Variants in ANKRD31 observed in about 807,000 individuals in gnomAD.
ANKRD31 encodes ankyrin repeat domain 31.
ANKRD31 carries 147 observed loss-of-function variants against 186.0 expected under a neutral mutation model. The ratio of observed to expected loss-of-function variants is 0.79; its 90% CI spans 0.69 to 0.91. The LOEUF (loss-of-function observed/expected upper bound fraction) is 0.91, where lower values mean the gene tolerates loss of function less well. ANKRD31 is among the 40% of genes least tolerant of loss of function. The pLI is 0.00. For missense variants in ANKRD31, 1,986 were observed against 2,148.8 expected, an observed-to-expected ratio of 0.92 and a Z score of 1.50; for synonymous variants, 673 against 736.4, an observed-to-expected ratio of 0.91 and a Z score of 1.39.
At chr5:75,233,929 A>T (rs558158026) in intron 1 of ANKRD31, among the ~76,000 whole-genome samples, 2 of 152,316 alleles carry the variant, frequency 1.3e-5, no homozygotes, top group Non-Finnish European at 2.9e-5. Flanking sequence ...AAAAAAAAAT[A>T]GTCCAGATTC....
Position 75,144,949 on chromosome 5 carries a change from C to T in ANKRD31, c.3425-778G>A, listed in dbSNP as rs185467982. Among the ~76,000 whole-genome samples, 363 of 151,206 alleles carry T rather than the reference C, an allele frequency of 2.4e-3. 4 individuals are homozygous for T. Among genetic ancestry groups the T allele is most frequent in the Non-Finnish European group, 4.2e-3 (285 of 67,754 alleles). On this transcript the variant is annotated intron_variant, in intron 14 of 25. Transcript: ENST00000506364. ...GCAAATGATATGAACAGACACTTCT[C>T]AAAAGAAGACATTTATGTGGCCAAA...
rs115239216 is a variant in ANKRD31 at position 75,157,826 on chromosome 5, G to A, written c.1708-3481C>T. ...ACACTGCATCTTAGACTGAAAGAGA[G>A]AGAATGAAATGAAGAACTGCCAAGA... On this transcript the variant is annotated intron_variant, in intron 11 of 25. Coordinates refer to ENST00000506364, the MANE Select transcript of ANKRD31 (RefSeq NM_001372053.1). Among the ~76,000 whole-genome samples the A allele has an allele frequency of 8.0e-3, 1,224 of 152,312 alleles. 27 individuals are homozygous for A. Among genetic ancestry groups the A allele is most frequent in the African/African-American group, 0.027 (1,132 of 41,564 alleles).
intron 11 of ANKRD31, among the ~76,000 whole-genome samples, chr5:75,160,910 C>T (rs1411392194): frequency 1.3e-5 from 2 of 152,132 alleles, no homozygotes; most frequent in Non-Finnish European, 2.9e-5. Flanking sequence ...AAGTGCTTTT[C>T]CCCTTATGCC....
chr5:75,089,637 G>T (rs1477972139), intron 23 of ANKRD31, among the ~76,000 whole-genome samples: 1 of 151,956 alleles, frequency 6.6e-6, no homozygotes, highest in African/African-American at 2.4e-5. Flanking sequence ...CTCAGCTTGG[G>T]GTATTTACTA....
At chr5:75,228,242 T>C (rs765300323) in intron 2 of ANKRD31, among the ~76,000 whole-genome samples, 3 of 152,246 alleles carry the variant, frequency 2.0e-5, no homozygotes, top group Non-Finnish European at 2.9e-5. Flanking sequence ...CTTACCTTTA[T>C]AATTCAGTAA....
At chr5:75,230,514 C>A in intron 2 of ANKRD31, 48 bp downstream of exon 2, 1 of 1,409,178 alleles carries the variant, frequency 7.1e-7, no homozygotes, top group South Asian at 1.3e-5. Flanking sequence ...TAAATGGGGA[C>A]TAACTGGGAA....
intron 22 of ANKRD31, 88 bp from the exon 23 acceptor site, chr5:75,091,489 C>T (rs1580305193): frequency 1.7e-6 from 2 of 1,205,118 alleles, no homozygotes; most frequent in Non-Finnish European, 2.3e-6. Flanking sequence ...GTAACAGGGA[C>T]CACATATACC....
intron 2 of ANKRD31, chr5:75,225,714 C>A (rs1377876876): frequency 6.2e-6 from 1 of 160,568 alleles, no homozygotes; most frequent in Non-Finnish European, 1.4e-5. Flanking sequence ...ATGTCAGACC[C>A]AGCACATTGA....
intron 2 of ANKRD31, among the ~76,000 whole-genome samples, chr5:75,229,720 T>C (rs1238974630): frequency 1.3e-5 from 2 of 151,112 alleles, no homozygotes; most frequent in African/African-American, 2.4e-5. Context: ...CAAAATTCAG[T>C]TGGGTGTAGT....
At chr5:75,180,343 A>G (rs1448095473) in intron 10 of ANKRD31, among the ~76,000 whole-genome samples, 3 of 152,168 alleles carry the variant, frequency 2.0e-5, no homozygotes, top group Non-Finnish European at 2.9e-5. Flanking sequence ...CATCCCCATC[A>G]AGCTACCAAT....
Position 75,236,800 on chromosome 5 carries a change from A to C in ANKRD31, c.-114T>G. 263 of 820,046 alleles carry C rather than the reference A, an allele frequency of 3.2e-4. No homozygotes were observed. The highest frequency in any genetic ancestry group is 7.0e-4 in the East Asian group (22 of 31,588). The allele number at this position is 820,046 out of a possible 1,614,324, so 50.8% of individuals were successfully genotyped here. On this transcript the variant is annotated 5_prime_UTR_variant, in exon 1 of 26. Coordinates refer to ENST00000506364, the MANE Select transcript of ANKRD31 (RefSeq NM_001372053.1). The stretch of plus-strand genomic sequence containing the variant: ...GTGAATTAAAAATAAAAATAATATA[A>C]TCGCAGCAGGAGCCGGGACTTGTCG...
intron 25 of ANKRD31, among the ~76,000 whole-genome samples, chr5:75,069,190 T>A (rs1465132802): frequency 1.3e-5 from 2 of 152,134 alleles, no homozygotes; most frequent in African/African-American, 4.8e-5. Flanking sequence ...GGAGTGATGA[T>A]AAAGAGGGTT....
chr5:75,150,456 T>G (rs191062799), intron 12 of ANKRD31, among the ~76,000 whole-genome samples: 75 of 152,112 alleles, frequency 4.9e-4, no homozygotes, highest in Admixed American at 4.6e-3. Flanking sequence ...TAACCTAATT[T>G]TGCATTCATA....
chr5:75,186,626 T>G (rs1754730017), intron 10 of ANKRD31, among the ~76,000 whole-genome samples: 1 of 152,180 alleles, frequency 6.6e-6, no homozygotes, highest in Admixed American at 6.6e-5. Flanking sequence ...TGATCTATTT[T>G]GAGTATTCAG....
At chr5:75,181,095 A>G (rs1162514826) in intron 10 of ANKRD31, among the ~76,000 whole-genome samples, 1 of 152,180 alleles carries the variant, frequency 6.6e-6, no homozygotes, top group Non-Finnish European at 1.5e-5. Flanking sequence ...GACACTTCTC[A>G]AAAGAAGACA....
At chr5:75,220,858 G>A (rs896835935) in intron 3 of ANKRD31, among the ~76,000 whole-genome samples, 4 of 152,098 alleles carry the variant, frequency 2.6e-5, no homozygotes, top group African/African-American at 9.7e-5. Context: ...CCAGCACTTT[G>A]GGAGGTCAAA....
chr5:75,093,377 G>A (rs1746079162), intron 22 of ANKRD31, among the ~76,000 whole-genome samples: 1 of 152,066 alleles, frequency 6.6e-6, no homozygotes, highest in Admixed American at 6.6e-5. Flanking sequence ...AGCTACTTGG[G>A]AGGCTGAGGC....
At chr5:75,095,976 C>A (rs529492643) in intron 22 of ANKRD31, among the ~76,000 whole-genome samples, 1 of 152,254 alleles carries the variant, frequency 6.6e-6, no homozygotes, top group Non-Finnish European at 1.5e-5. Flanking sequence ...GCACTATAAA[C>A]CAATTAGACT....
Position 75,116,625 on chromosome 5 carries a change from T to C in ANKRD31, c.4096A>G (p.Lys1366Glu), listed in dbSNP as rs775734664. ...GAAAGGGAAGATGAGTCAATAGTTTTGCCATCATCACAAAAACACTGTTTA... is the reference window on the plus strand; with the variant it reads ...GAAAGGGAAGATGAGTCAATAGTTTCGCCATCATCACAAAAACACTGTTTA... ...RHKQCFCDDG[K>E]TIDSSSLSHQ... The change falls in exon 19 of 26, where the codon AAA becomes GAA. Residue 1366 changes from lysine (K) to glutamate (E), a missense_variant. Coordinates refer to ENST00000506364, the MANE Select transcript of ANKRD31 (RefSeq NM_001372053.1). The C allele has an allele frequency of 1.4e-6, 2 of 1,467,560 alleles. No homozygotes were observed. Among genetic ancestry groups the C allele is most frequent in the Middle Eastern group, 1.8e-4 (1 of 5,676 alleles). 90.9% of individuals were successfully genotyped at this position (1,467,560 alleles called of 1,614,324 possible).
Sources: gnomAD v4.1 joint callset for allele counts (sites outside exome capture counted in the v4.1 genomes callset) on GRCh38, gnomAD v4.1.1 for gene constraint, MANE v1.5 for transcripts, NCBI Gene and HGNC (gene_info 2026-07-23, HGNC 2026-07-21) for gene names.